LRRTM4: variants seen among roughly 807,000 people sequenced by gnomAD.
The protein encoded by LRRTM4 is leucine rich repeat transmembrane neuronal 4.
LRRTM4 carries 25 observed loss-of-function variants against 47.6 expected under a neutral mutation model. The observed-to-expected ratio is 0.53, with a 90% CI of 0.38 to 0.73. LRRTM4 has a LOEUF of 0.73. Among genes scored for constraint, LRRTM4 ranks in the 30% least tolerant of loss-of-function variants. The pLI is 0.00. For missense variants in LRRTM4, 638 were observed against 713.4 expected, an observed-to-expected ratio of 0.89 and a Z score of 1.20; for synonymous variants, 311 against 269.5, an observed-to-expected ratio of 1.15 and a Z score of -1.51.
intron 3 of LRRTM4, among the ~76,000 whole-genome samples, chr2:76,927,076 G>A (rs1467543783): frequency 1.3e-5 from 2 of 152,054 alleles, no homozygotes; most frequent in Non-Finnish European, 2.9e-5. Flanking sequence ...TATGACATTT[G>A]GATTTTTGGT....
intron 3 of LRRTM4, among the ~76,000 whole-genome samples, chr2:76,811,512 G>T (rs1389677699): frequency 6.6e-6 from 1 of 152,150 alleles, no homozygotes; most frequent in Non-Finnish European, 1.5e-5. Context: ...TACATTGCAA[G>T]CTTAGCTAAG....
chr2:77,442,193 T>G, intron 3 of LRRTM4, among the ~76,000 whole-genome samples: 1 of 152,204 alleles, frequency 6.6e-6, no homozygotes, highest in East Asian at 1.9e-4. Context: ...TTAACTGATT[T>G]ATTTCACCTG....
At chr2:77,434,022 A>C (rs1166798394) in intron 3 of LRRTM4, among the ~76,000 whole-genome samples, 1 of 152,218 alleles carries the variant, frequency 6.6e-6, no homozygotes, top group Non-Finnish European at 1.5e-5. Context: ...ATGCGGTTCT[A>C]GACTTCCCAG....
At chr2:76,816,773 C>A (rs570040714) in intron 3 of LRRTM4, among the ~76,000 whole-genome samples, 3 of 140,918 alleles carry the variant, frequency 2.1e-5, no homozygotes, top group South Asian at 4.5e-4. Flanking sequence ...TTTCTCATGA[C>A]GTGCAAGTGG....
intron 3 of LRRTM4, among the ~76,000 whole-genome samples, chr2:77,265,953 G>T (rs1446578729): frequency 6.6e-6 from 1 of 152,130 alleles, no homozygotes; most frequent in Non-Finnish European, 1.5e-5. Flanking sequence ...ATTACTTGTT[G>T]AAAACATAAG....
rs113124893 is a variant in LRRTM4 at position 77,250,074 on chromosome 2, C to T, written c.1551+268244G>A. On this transcript the variant is annotated intron_variant, in intron 3 of 3. Coordinates refer to ENST00000409884, the MANE Select transcript of LRRTM4 (RefSeq NM_001134745.3). ...ACATGAAAGAAACCATTCTGAAAGG[C>T]TACATACTGTATGATTCTAACTACA... Among the ~76,000 whole-genome samples, 219 of 152,114 alleles carry T rather than the reference C, an allele frequency of 1.4e-3. 4 individuals are homozygous for T. Among genetic ancestry groups the T allele is most frequent in the African/African-American group, 5.0e-3 (206 of 41,482 alleles).
At chr2:77,399,365 G>C (rs931602468) in intron 3 of LRRTM4, among the ~76,000 whole-genome samples, 1 of 151,504 alleles carries the variant, frequency 6.6e-6, no homozygotes, top group Admixed American at 6.6e-5. Flanking sequence ...CGTACTCTCC[G>C]CAATTTTCAA....
At chr2:77,342,386 T>C (rs995555577) in intron 3 of LRRTM4, among the ~76,000 whole-genome samples, 11 of 151,800 alleles carry the variant, frequency 7.2e-5, no homozygotes, top group African/African-American at 2.4e-4. Flanking sequence ...CATCCTCCAA[T>C]ACATAAGAGA....
chr2:77,518,386 T>A lies in LRRTM4; in HGVS notation c.1483A>T (p.Thr495Ser), dbSNP rs1679311215. 6.2e-7 allele frequency: 1 copy of A among 1,612,992 alleles called. No homozygotes were observed. Among genetic ancestry groups the A allele is most frequent in the South Asian group, 1.1e-5 (1 of 91,038 alleles). ...YVDYKPTNSE[T>S]MDISVNGSGP... Reference sequence around the variant, plus strand: ...GATCCATTAACCGATATATCCATGGTCTCAGAGTTTGTAGGCTTGTAGTCC... The same window carrying A: ...GATCCATTAACCGATATATCCATGGACTCAGAGTTTGTAGGCTTGTAGTCC... The change falls in exon 3 of 4, where the codon ACC (threonine) becomes TCC (serine). Residue 495 changes from threonine (T) to serine (S), a missense_variant. Thr to Ser is a moderately conservative substitution (Grantham distance 58). Coordinates refer to ENST00000409884, the MANE Select transcript of LRRTM4 (RefSeq NM_001134745.3).
intron 3 of LRRTM4, among the ~76,000 whole-genome samples, chr2:77,053,526 T>G (rs977712698): frequency 6.6e-6 from 1 of 152,214 alleles, no homozygotes; most frequent in African/African-American, 2.4e-5. Context: ...GTTTGCTTTG[T>G]GTTTTCTGAA....
At chr2:77,299,994 G>A (rs1389281298) in intron 3 of LRRTM4, among the ~76,000 whole-genome samples, 2 of 151,792 alleles carry the variant, frequency 1.3e-5, no homozygotes, top group East Asian at 3.9e-4. Flanking sequence ...TGGGACTACA[G>A]GCATGCGCCA....
At chr2:77,333,761 C>T (rs1165313578) in intron 3 of LRRTM4, among the ~76,000 whole-genome samples, 2 of 152,170 alleles carry the variant, frequency 1.3e-5, no homozygotes, top group African/African-American at 4.8e-5. Flanking sequence ...CCTACTGAGG[C>T]ACCACCTAGG....
At chr2:77,032,696 C>T (rs1441206695) in intron 3 of LRRTM4, among the ~76,000 whole-genome samples, 1 of 152,074 alleles carries the variant, frequency 6.6e-6, no homozygotes, top group Non-Finnish European at 1.5e-5. Context: ...TGTTATTCCT[C>T]ATTATATGCT....
chr2:77,360,540 A>C (rs1329213520), intron 3 of LRRTM4, among the ~76,000 whole-genome samples: 2 of 131,804 alleles, frequency 1.5e-5, no homozygotes, highest in East Asian at 4.9e-4. Context: ...ACGATACAAT[A>C]CAATCATTCA....
intron 3 of LRRTM4, among the ~76,000 whole-genome samples, chr2:77,315,141 T>C (rs1358558774): frequency 6.6e-6 from 1 of 152,176 alleles, no homozygotes; most frequent in African/African-American, 2.4e-5. Flanking sequence ...GTTGCATGTA[T>C]TAAAGAATAA....
Position 77,420,066 on chromosome 2 carries a change from C to T in LRRTM4, c.1551+98252G>A, listed in dbSNP as rs187751283. Among the ~76,000 whole-genome samples, 3 of 152,236 alleles carry T rather than the reference C, an allele frequency of 2.0e-5. No individual in the cohort carries two copies. The East Asian group carries it at 5.8e-4, about 30-fold the overall frequency. On this transcript the variant is annotated intron_variant, in intron 3 of 3. Transcript: ENST00000409884. Reference sequence around the variant, plus strand: ...GGTGTTTCTGTCATTAGAATTAACCCAAGGGTGAGCTGTGAAAGGATCTGC... The same window carrying T: ...GGTGTTTCTGTCATTAGAATTAACCTAAGGGTGAGCTGTGAAAGGATCTGC...
intron 3 of LRRTM4, among the ~76,000 whole-genome samples, chr2:76,753,042 A>G (rs992791503): frequency 1.3e-5 from 2 of 152,322 alleles, no homozygotes; most frequent in East Asian, 3.9e-4. Flanking sequence ...ATATTCTACT[A>G]TTCTGAAATT....
At chr2:77,455,928 C>T (rs1244965583) in intron 3 of LRRTM4, among the ~76,000 whole-genome samples, 2 of 152,090 alleles carry the variant, frequency 1.3e-5, no homozygotes, top group African/African-American at 4.8e-5. Flanking sequence ...TGCCAGTAAT[C>T]CACTGGTTTT....
intron 3 of LRRTM4, among the ~76,000 whole-genome samples, chr2:76,768,915 T>C (rs1406981094): frequency 1.3e-5 from 2 of 152,124 alleles, no homozygotes; most frequent in Non-Finnish European, 2.9e-5. Flanking sequence ...GGACATGCTA[T>C]ATTGAAATTC....
Sources: allele counts gnomAD v4.1 joint callset (sites outside exome capture counted in the v4.1 genomes callset), GRCh38; gene constraint gnomAD v4.1.1; transcripts MANE v1.5; gene names NCBI Gene and HGNC (gene_info 2026-07-23, HGNC 2026-07-21).